Variants in ADAMTS17 observed in about 807,000 individuals in gnomAD.
The protein encoded by ADAMTS17 is ADAM metallopeptidase with thrombospondin type 1 motif 17.
ADAMTS17 carries 113 observed loss-of-function variants against 141.5 expected under a neutral mutation model. The observed-to-expected ratio is 0.80, with a 90% CI of 0.69 to 0.93. ADAMTS17 has a LOEUF of 0.93. Among genes scored for constraint, ADAMTS17 ranks in the 40% least tolerant of loss-of-function variants. ADAMTS17 has a pLI of 0.00. For synonymous variants in ADAMTS17, 768 were observed against 630.6 expected (o/e 1.22, Z -3.27); for missense variants, 1,659 against 1,517.9 (o/e 1.09, Z -1.54).
At chr15:100,147,707 C>G (rs2038975315) in intron 10 of ADAMTS17, among the ~76,000 whole-genome samples, 1 of 152,226 alleles carries the variant, frequency 6.6e-6, no homozygotes, top group Non-Finnish European at 1.5e-5. Flanking sequence ...TTCTCCCTTT[C>G]TGGCCTTTGT....
intron 10 of ADAMTS17, among the ~76,000 whole-genome samples, chr15:100,141,848 T>C (rs1274373694): frequency 6.6e-6 from 1 of 152,230 alleles, no homozygotes; most frequent in Non-Finnish European, 1.5e-5. Flanking sequence ...AGGCTGCAGA[T>C]GCTGGGCAGG....
At chr15:100,191,617 G>A (rs551614903) in intron 8 of ADAMTS17, among the ~76,000 whole-genome samples, 3 of 152,348 alleles carry the variant, frequency 2.0e-5, no homozygotes, top group Admixed American at 1.3e-4. Flanking sequence ...TCTGCAACCC[G>A]TGAATGCAGG....
At chr15:100,171,391 A>T (rs999774789) in intron 8 of ADAMTS17, among the ~76,000 whole-genome samples, 1 of 152,248 alleles carries the variant, frequency 6.6e-6, no homozygotes, top group African/African-American at 2.4e-5. Context: ...CAGGGGCAGG[A>T]GTGCATCCTC....
At chr15:100,156,477 C>A (rs2039441180) in intron 8 of ADAMTS17, among the ~76,000 whole-genome samples, 1 of 152,206 alleles carries the variant, frequency 6.6e-6, no homozygotes, top group Non-Finnish European at 1.5e-5. Flanking sequence ...TGTTCTGGAA[C>A]TTTGGGCTAG....
chr15:100,147,945 C>T (rs926771005), intron 10 of ADAMTS17, among the ~76,000 whole-genome samples: 3 of 152,258 alleles, frequency 2.0e-5, no homozygotes, highest in African/African-American at 7.2e-5. Context: ...TGTGAGGTTT[C>T]CTCGCCTTTT....
At chr15:100,331,255 G>A (rs556504186) in intron 2 of ADAMTS17, among the ~76,000 whole-genome samples, 60 of 152,288 alleles carry the variant, frequency 3.9e-4, no homozygotes, top group South Asian at 2.7e-3. Context: ...GAGCAGCTGC[G>A]TTGGGGGTAG....
chr15:100,087,265 A>G (rs1331987732), intron 15 of ADAMTS17, among the ~76,000 whole-genome samples: 1 of 152,236 alleles, frequency 6.6e-6, no homozygotes, highest in Admixed American at 6.5e-5. Context: ...CTCAACACAT[A>G]CACCCTCCCA....
chr15:100,175,223 T>C (rs979549493), intron 8 of ADAMTS17, among the ~76,000 whole-genome samples: 1 of 152,248 alleles, frequency 6.6e-6, no homozygotes, highest in Admixed American at 6.5e-5. Context: ...TATTTAAATG[T>C]CTGCTTTCAA....
intron 8 of ADAMTS17, among the ~76,000 whole-genome samples, chr15:100,162,960 CTA>C (rs200627842): frequency 5.5e-5 from 7 of 128,056 alleles, no homozygotes; most frequent in African/African-American, 1.4e-4. Context: ...ATATATATAA[CTA>C]TATATGTATA....
chr15:100,237,924 C>T (rs2042709556), intron 7 of ADAMTS17, among the ~76,000 whole-genome samples: 1 of 152,140 alleles, frequency 6.6e-6, no homozygotes, highest in Non-Finnish European at 1.5e-5. Flanking sequence ...TGTGCCCGGC[C>T]AACACTAAGT....
At chr15:100,188,963 C>G (rs1164994363) in intron 8 of ADAMTS17, among the ~76,000 whole-genome samples, 3 of 152,258 alleles carry the variant, frequency 2.0e-5, no homozygotes, top group Non-Finnish European at 1.5e-5. Context: ...ATACCTGCAG[C>G]TGCAACACTG....
intron 16 of ADAMTS17, among the ~76,000 whole-genome samples, chr15:100,053,421 G>C (rs894759397): frequency 1.3e-5 from 2 of 152,152 alleles, no homozygotes; most frequent in Non-Finnish European, 2.9e-5. Flanking sequence ...CCAAATGCTC[G>C]TTGCAAGCTG....
At chr15:100,167,742 A>T (rs1388564839) in intron 8 of ADAMTS17, among the ~76,000 whole-genome samples, 1 of 152,256 alleles carries the variant, frequency 6.6e-6, no homozygotes, top group Admixed American at 6.5e-5. Flanking sequence ...GCGAAATTCA[A>T]TGCGGCAGAG....
chr15:100,300,999 G>C (rs1255700137), intron 3 of ADAMTS17, among the ~76,000 whole-genome samples: 1 of 152,176 alleles, frequency 6.6e-6, no homozygotes, highest in Non-Finnish European at 1.5e-5. Context: ...GGAAGCTCAA[G>C]AGCAAGGATC....
chr15:100,322,910 A>G (rs1483842842), intron 3 of ADAMTS17, among the ~76,000 whole-genome samples: 1 of 151,694 alleles, frequency 6.6e-6, no homozygotes, highest in Non-Finnish European at 1.5e-5. Context: ...ACATGGTGAA[A>G]GCCCATCTCT....
chr15:100,232,828 G>A (rs927225368), intron 7 of ADAMTS17, among the ~76,000 whole-genome samples: 3 of 152,178 alleles, frequency 2.0e-5, no homozygotes, highest in African/African-American at 4.8e-5. Flanking sequence ...TTCAGGTCTC[G>A]GTTGGAGGCG....
Position 100,097,724 on chromosome 15 carries a change from T to C in ADAMTS17, c.2017-1248A>G, listed in dbSNP as rs986961543. On this transcript the variant is annotated intron_variant, in intron 14 of 21. Transcript: ENST00000268070. ...CTGACCCAGCAGGTCTGGGTGCACC[T>C]GAGAATGTGCATTTCTAATCGGCTC... is the stretch of plus-strand genomic sequence containing the variant. Among the ~76,000 whole-genome samples, 9 of 152,248 alleles carry C rather than the reference T, an allele frequency of 5.9e-5. 1 individual carries two copies. Among genetic ancestry groups the C allele is most frequent in the Admixed American group, 5.2e-4 (8 of 15,290 alleles).
intron 12 of ADAMTS17, among the ~76,000 whole-genome samples, chr15:100,127,835 G>C (rs868277149): frequency 3.7e-4 from 56 of 152,058 alleles, no homozygotes; most frequent in South Asian, 3.5e-3. Flanking sequence ...ACCTGCCTCA[G>C]AATCCCAAAG....
chr15:100,126,964 T>C (rs1350109526), intron 12 of ADAMTS17, among the ~76,000 whole-genome samples: 1 of 152,154 alleles, frequency 6.6e-6, no homozygotes, highest in East Asian at 1.9e-4. Context: ...CGAGGGAGAC[T>C]TAAGCAGCAC....
Sources: gnomAD v4.1 joint callset for allele counts (sites outside exome capture counted in the v4.1 genomes callset) on GRCh38, gnomAD v4.1.1 for gene constraint, MANE v1.5 for transcripts, NCBI Gene and HGNC (gene_info 2026-07-23, HGNC 2026-07-21) for gene names.